MCCC2: variants seen among roughly 807,000 people sequenced by gnomAD.
MCCC2 encodes methylcrotonoyl-CoA carboxylase beta chain, mitochondrial.
Under a neutral mutation model 77.2 loss-of-function variants are expected in MCCC2, and 52 were observed. The observed-to-expected ratio is 0.67, with a 90% confidence interval of 0.54 to 0.85. The LOEUF is 0.85. Among genes scored for constraint, MCCC2 ranks in the 40% least tolerant of loss-of-function variants. MCCC2 has a pLI of 0.00. For synonymous variants in MCCC2, 253 were observed against 248.4 expected, an observed-to-expected ratio of 1.02 and a Z score of -0.18; for missense variants, 682 against 703.2, an observed-to-expected ratio of 0.97 and a Z score of 0.34.
At chr5:71,608,577 T>C (rs1430285126) in intron 6 of MCCC2, among the ~76,000 whole-genome samples, 1 of 151,808 alleles carries the variant, frequency 6.6e-6, no homozygotes, top group Non-Finnish European at 1.5e-5. Context: ...TCCATTTACA[T>C]TTAAAGTTAA....
At chr5:71,599,101 C>T (rs1487199826) in intron 3 of MCCC2, among the ~76,000 whole-genome samples, 1 of 152,046 alleles carries the variant, frequency 6.6e-6, no homozygotes, top group Admixed American at 6.5e-5. Context: ...GGCGTGGTGG[C>T]TCATGCCTGT....
chr5:71,637,514 C>T (rs1249428193), intron 10 of MCCC2, among the ~76,000 whole-genome samples: 1 of 152,200 alleles, frequency 6.6e-6, no homozygotes, highest in Non-Finnish European at 1.5e-5. Flanking sequence ...TCTGAACCTT[C>T]AGTGAATCAT....
rs1746099346 is a variant in MCCC2 at position 71,614,666 on chromosome 5, T to C, written c.624+10198T>C. Among the ~76,000 whole-genome samples the C allele has an allele frequency of 2.0e-5, 3 of 151,926 alleles. No homozygotes were observed. The South Asian group carries it at 6.2e-4, about 32-fold the overall frequency. On this transcript the variant is annotated intron_variant, in intron 6 of 16. Transcript: ENST00000340941. ...GCCCAGCTAATTTTTGTATTTTTAG[T>C]AGAGACGGGGTTTTACTATGTTGCC...
chr5:71,594,515 G>A (rs1388316967), intron 2 of MCCC2, among the ~76,000 whole-genome samples: 4 of 120,292 alleles, frequency 3.3e-5, no homozygotes, highest in Non-Finnish European at 6.8e-5. Context: ...GTAACAGAGC[G>A]AAATTCCGTC....
intron 10 of MCCC2, among the ~76,000 whole-genome samples, chr5:71,638,028 A>G (rs951660573): frequency 1.3e-5 from 2 of 152,240 alleles, no homozygotes; most frequent in East Asian, 1.9e-4. Context: ...AGAACTTTCA[A>G]AATGAGTCAG....
intron 2 of MCCC2, 29 bp from the exon 3 acceptor site, chr5:71,596,251 A>C: frequency 6.3e-7 from 1 of 1,589,920 alleles, no homozygotes; most frequent in South Asian, 1.1e-5. Context: ...GTGTCAATCT[A>C]ATCTAATCTA....
rs951972469 is a variant in MCCC2 at position 71,643,840 on chromosome 5, A to T, written c.1094A>T (p.Tyr365Phe). The change falls in exon 12 of 17, where the codon TAC (tyrosine) becomes TTC (phenylalanine). Residue 365 changes from tyrosine to phenylalanine, a missense_variant. By Grantham distance (22) the Tyr-to-Phe change is conservative. Transcript: ENST00000340941. ...TGAGGATTTGCTCGAATATTTGGGT[A>T]CCCAGTAGGTATCGTTGGAAACAAC... is the stretch of plus-strand genomic sequence containing the variant. ...LVTGFARIFG[Y>F]PVGIVGNNGV... 1 of 1,614,190 alleles carries T rather than the reference A, an allele frequency of 6.2e-7. No individual in the cohort carries two copies.
At position 71,658,158 on chromosome 5, in the gene MCCC2, A is replaced by G. The variant is rs1347529574; in HGVS notation, c.*1298A>G. ...GTGCCAATCCCTGAATGCCACCAAGATCTTAATCTTCACATCTTTAATCTT... is the reference window on the plus strand; with the variant it reads ...GTGCCAATCCCTGAATGCCACCAAGGTCTTAATCTTCACATCTTTAATCTT... On this transcript the variant is annotated 3_prime_UTR_variant, in exon 17 of 17. Transcript: ENST00000340941. 6.6e-6 allele frequency: 1 copy of G among 152,130 alleles called. No individual in the cohort carries two copies. The highest frequency in any genetic ancestry group is 1.5e-5 in the Non-Finnish European group (1 of 68,020). 9.4% of individuals were successfully genotyped at this position (152,130 alleles called of 1,614,324 possible). A position where few individuals can be genotyped will look rare whatever the true frequency, so the allele number is the denominator to read the frequency against.
intron 15 of MCCC2, among the ~76,000 whole-genome samples, chr5:71,651,525 A>T (rs1056976461): frequency 2.0e-5 from 3 of 152,192 alleles, no homozygotes; most frequent in African/African-American, 4.8e-5. Flanking sequence ...CTGTTGTCTC[A>T]TTATGGGAAG....
intron 8 of MCCC2, among the ~76,000 whole-genome samples, chr5:71,633,137 A>ATT (rs1294234605): frequency 5.9e-5 from 4 of 68,094 alleles, no homozygotes; most frequent in African/African-American, 2.0e-4. Flanking sequence ...ATATATTTTT[A>ATT]TTTTTTGTAG....
intron 10 of MCCC2, among the ~76,000 whole-genome samples, chr5:71,638,202 G>C (rs1580322991): frequency 6.6e-6 from 1 of 152,146 alleles, no homozygotes; most frequent in Non-Finnish European, 1.5e-5. Context: ...ATCTGTTCAA[G>C]TTTGAACATG....
intron 6 of MCCC2, among the ~76,000 whole-genome samples, chr5:71,606,992 G>C (rs1745706424): frequency 6.6e-6 from 1 of 150,712 alleles, no homozygotes; most frequent in African/African-American, 2.4e-5. Context: ...ATTTTATTGA[G>C]GATTTTTGCA....
intron 8 of MCCC2, among the ~76,000 whole-genome samples, chr5:71,632,917 T>C (rs909322954): frequency 2.0e-5 from 3 of 151,936 alleles, no homozygotes; most frequent in Admixed American, 2.0e-4. Flanking sequence ...ATACAATACA[T>C]GTGGATTGCT....
chr5:71,617,032 C>T (rs571520424), intron 6 of MCCC2, among the ~76,000 whole-genome samples: 1 of 135,278 alleles, frequency 7.4e-6, no homozygotes, highest in Non-Finnish European at 1.7e-5. Context: ...CCTCCTGTTA[C>T]TATTTGCTAC....
At chr5:71,643,779 A>G (rs758699122) in intron 11 of MCCC2, 40 bp from the exon 12 acceptor site, 1 of 1,614,034 alleles carries the variant, frequency 6.2e-7, no homozygotes, top group East Asian at 2.2e-5. Context: ...AGCCCTTGGA[A>G]AAGCACAAGA....
chr5:71,587,704 A>T, intron 1 of MCCC2, 150 bp downstream of exon 1: 1 of 1,103,924 alleles, frequency 9.1e-7, no homozygotes, highest in Non-Finnish European at 1.3e-6. Flanking sequence ...AGCCTAACAG[A>T]TACAAGAAAG....
At chr5:71,643,998 G>A in intron 12 of MCCC2, 103 bp downstream of exon 12, 1 of 1,410,606 alleles carries the variant, frequency 7.1e-7, no homozygotes. Context: ...TGCTTAACTA[G>A]ATGCCTCAGC....
intron 6 of MCCC2, among the ~76,000 whole-genome samples, chr5:71,610,763 G>T (rs1224344794): frequency 6.6e-6 from 1 of 152,164 alleles, no homozygotes; most frequent in Non-Finnish European, 1.5e-5. Flanking sequence ...GAGGTGGGGG[G>T]ATCACGAGGT....
chr5:71,646,526 T>A (rs1052496167), intron 13 of MCCC2, among the ~76,000 whole-genome samples: 1 of 152,188 alleles, frequency 6.6e-6, no homozygotes, highest in Non-Finnish European at 1.5e-5. Flanking sequence ...CATGCCTGGT[T>A]AATTTTTGTA....
Sources: allele counts gnomAD v4.1 joint callset (sites outside exome capture counted in the v4.1 genomes callset), GRCh38; gene constraint gnomAD v4.1.1; transcripts MANE v1.5; gene names NCBI Gene and HGNC (gene_info 2026-07-23, HGNC 2026-07-21).